Variants in FSTL4 observed in about 807,000 individuals in gnomAD.
FSTL4 encodes the protein follistatin like 4.
In FSTL4, 28 loss-of-function variants were observed where a neutral mutation model predicts 78.2. That is an observed-to-expected ratio of 0.36 (90% CI 0.27 to 0.49). The LOEUF (loss-of-function observed/expected upper bound fraction) is 0.49. Ranked by LOEUF, FSTL4 falls within the 20% of genes least tolerant of loss-of-function variation. The pLI is 0.98. For missense variants in FSTL4, 922 were observed against 1,084.9 expected (o/e 0.85, Z 2.11); for synonymous variants, 422 against 440.5 (o/e 0.96, Z 0.53).
At chr5:133,352,303 T>TATATATACACAC (rs1561682934) in intron 4 of FSTL4, among the ~76,000 whole-genome samples, 9 of 138,258 alleles carry the variant, frequency 6.5e-5, no homozygotes, top group Non-Finnish European at 1.2e-4. Flanking sequence ...TACACACACA[T>TATATATACACAC]ATATATATAC....
At chr5:133,827,424 C>G in the FSTL4 span, among the ~76,000 whole-genome samples, 2 of 152,048 alleles carry the variant, frequency 1.3e-5, no homozygotes, top group Non-Finnish European at 2.9e-5. Flanking sequence ...GCCTGCCTCC[C>G]AACACTGCCC....
chr5:133,806,954 C>A, the FSTL4 span, among the ~76,000 whole-genome samples: 2 of 152,192 alleles, frequency 1.3e-5, no homozygotes, highest in Non-Finnish European at 2.9e-5. Context: ...ATAATCATGA[C>A]TGAAAGGACT....
intron 11 of FSTL4, among the ~76,000 whole-genome samples, chr5:133,221,891 GTTTTTTTTTTTTTTTTTTTTT>G (rs59400068): frequency 9.2e-4 from 40 of 43,356 alleles, no homozygotes; most frequent in East Asian, 3.1e-3. Context: ...CTCTTTTCTA[GTTTTTTTTTTTTTTTTTTTTT>G]TTTTTTTTTT....
intron 3 of FSTL4, among the ~76,000 whole-genome samples, chr5:133,456,468 C>T (rs901938690): frequency 2.6e-5 from 4 of 152,206 alleles, no homozygotes; most frequent in East Asian, 1.9e-4. Flanking sequence ...GTGTAGCTTA[C>T]GCATTAGTCC....
chr5:133,228,982 A>C (rs1751412209), intron 8 of FSTL4, among the ~76,000 whole-genome samples: 1 of 152,234 alleles, frequency 6.6e-6, no homozygotes, highest in Non-Finnish European at 1.5e-5. Context: ...ATAAAGTTAT[A>C]AGGATTAATT....
At chr5:133,469,253 T>C (rs1411666944) in intron 3 of FSTL4, among the ~76,000 whole-genome samples, 1 of 152,180 alleles carries the variant, frequency 6.6e-6, no homozygotes, top group Non-Finnish European at 1.5e-5. Flanking sequence ...CTCTGTGTGC[T>C]GGGAGACCCA....
intron 3 of FSTL4, among the ~76,000 whole-genome samples, chr5:133,411,636 CACTA>C (rs746533623): frequency 6.6e-6 from 1 of 152,152 alleles, no homozygotes; most frequent in African/African-American, 2.4e-5. Context: ...AATAGCCAAT[CACTA>C]ACTGTTTCCA....
intron 3 of FSTL4, among the ~76,000 whole-genome samples, chr5:133,520,329 C>T (rs1373201639): frequency 6.6e-6 from 1 of 151,494 alleles, no homozygotes; most frequent in African/African-American, 2.4e-5. Context: ...CTCTTCATCT[C>T]GAGAAAGCCA....
the FSTL4 span, among the ~76,000 whole-genome samples, chr5:133,716,535 G>A: frequency 6.6e-5 from 10 of 152,094 alleles, no homozygotes; most frequent in African/African-American, 2.4e-4. Flanking sequence ...AGTCAGGCAG[G>A]ACCACGGAAC....
chr5:133,391,673 C>T (rs1305707734), intron 4 of FSTL4, among the ~76,000 whole-genome samples: 1 of 152,192 alleles, frequency 6.6e-6, no homozygotes, highest in Non-Finnish European at 1.5e-5. Context: ...CCCTTGTGAG[C>T]CCCCAAACAC....
chr5:133,471,448 G>A (rs1757825327), intron 3 of FSTL4, among the ~76,000 whole-genome samples: 1 of 152,114 alleles, frequency 6.6e-6, no homozygotes, highest in Admixed American at 6.5e-5. Flanking sequence ...GAGGTGATTA[G>A]GTCAGGAGAG....
At chr5:133,441,634 A>C (rs986030038) in intron 3 of FSTL4, among the ~76,000 whole-genome samples, 39 of 152,158 alleles carry the variant, frequency 2.6e-4, no homozygotes, top group African/African-American at 9.2e-4. Flanking sequence ...AAGTCCAGGG[A>C]AATTGAGTCA....
chr5:133,494,351 C>A (rs1437160339), intron 3 of FSTL4, among the ~76,000 whole-genome samples: 2 of 141,228 alleles, frequency 1.4e-5, no homozygotes, highest in Non-Finnish European at 3.1e-5. Flanking sequence ...CTTGTGATAT[C>A]TTTTTTTTTT....
chr5:133,654,943 T>C, the FSTL4 span, among the ~76,000 whole-genome samples: 1 of 152,070 alleles, frequency 6.6e-6, no homozygotes, highest in Non-Finnish European at 1.5e-5. Flanking sequence ...GCTTCAAACT[T>C]CCCTATGCTA....
intron 4 of FSTL4, among the ~76,000 whole-genome samples, chr5:133,392,885 G>A (rs1755885122): frequency 6.6e-6 from 1 of 152,194 alleles, no homozygotes; most frequent in Non-Finnish European, 1.5e-5. Flanking sequence ...TAACTTCTTA[G>A]CAATTTTTAA....
chr5:133,396,683 G>C (rs1347123771), intron 4 of FSTL4, among the ~76,000 whole-genome samples: 1 of 152,120 alleles, frequency 6.6e-6, no homozygotes, highest in Non-Finnish European at 1.5e-5. Flanking sequence ...AATTCCTAAA[G>C]TAACAAGACT....
the FSTL4 span, among the ~76,000 whole-genome samples, chr5:133,811,977 C>T: frequency 1.3e-5 from 2 of 152,334 alleles, no homozygotes; most frequent in East Asian, 3.9e-4. Context: ...TTAATTCCCA[C>T]CTGTTGCAGA....
chr5:133,724,736 A>G, the FSTL4 span, among the ~76,000 whole-genome samples: 7 of 152,170 alleles, frequency 4.6e-5, no homozygotes, highest in Non-Finnish European at 7.4e-5. Flanking sequence ...CAAATTTATT[A>G]GTTTTAGTTT....
rs1052707427 is a variant in FSTL4, at chr5:133,224,079, C to T, written c.1339+111G>A. 3.7e-5 allele frequency: 28 copies of T among 757,302 alleles called. No homozygotes were observed. The African/African-American group carries it at 3.8e-4, about 10-fold the overall frequency. 46.9% of individuals were successfully genotyped at this position (757,302 alleles called of 1,614,324 possible). ...GAATTTGACATTGACTTCCTGCTCCCATAGGGCTGCTTTGTGTGGGAAAGC... is the reference window on the plus strand; with the variant it reads ...GAATTTGACATTGACTTCCTGCTCCTATAGGGCTGCTTTGTGTGGGAAAGC... On this transcript the variant is annotated intron_variant, in intron 11 of 15. Coordinates refer to ENST00000265342, the MANE Select transcript of FSTL4 (RefSeq NM_015082.2).
Sources: allele counts gnomAD v4.1 joint callset (sites outside exome capture counted in the v4.1 genomes callset), GRCh38; gene constraint gnomAD v4.1.1; transcripts MANE v1.5; gene names NCBI Gene and HGNC (gene_info 2026-07-23, HGNC 2026-07-21).